The following IL36G variants were observed in gnomAD, a reference collection of about 807,000 sequenced individuals.
The protein encoded by IL36G is interleukin 36 gamma, also known as interleukin-36 gamma.
In IL36G, 10 loss-of-function variants were observed where a neutral mutation model predicts 13.5. The ratio of observed to expected loss-of-function variants is 0.74; its 90% CI spans 0.46 to 1.26. The LOEUF is 1.26. Among genes scored for constraint, IL36G ranks in the 50% most tolerant of loss-of-function variants. The pLI is 0.00. For synonymous variants in IL36G, 84 were observed against 74.0 expected, an observed-to-expected ratio of 1.13 and a Z score of -0.69; for missense variants, 199 against 203.0, an observed-to-expected ratio of 0.98 and a Z score of 0.12.
rs547422708 is a variant in IL36G, at chr2:112,978,708, G to A, written c.55+15G>A. On this transcript the variant is annotated intron_variant, in intron 2 of 4. Coordinates refer to ENST00000259205, the MANE Select transcript of IL36G (RefSeq NM_019618.4). ...CTATCAATCAAGTGAATCAAATGCT[G>A]TTGGGATGGGGCTCTGGAGGCTTAG... 2 of 1,613,590 alleles carry A rather than the reference G, an allele frequency of 1.2e-6. No homozygotes were observed. Among genetic ancestry groups the A allele is most frequent in the East Asian group, 2.2e-5 (1 of 44,880 alleles).
intron 4 of IL36G, among the ~76,000 whole-genome samples, chr2:112,982,805 G>C (rs1210635206): frequency 6.6e-6 from 1 of 152,146 alleles, no homozygotes; most frequent in Non-Finnish European, 1.5e-5. Flanking sequence ...GAGCAGTGTT[G>C]GTGCTGTAGT....
At chr2:112,982,204 C>T (rs1684276572) in intron 4 of IL36G, among the ~76,000 whole-genome samples, 1 of 152,164 alleles carries the variant, frequency 6.6e-6, no homozygotes, top group Non-Finnish European at 1.5e-5. Flanking sequence ...CGTCAGGCTG[C>T]AGTGGTGAAT....
chr2:112,981,750 G>T (rs776339453), intron 4 of IL36G, among the ~76,000 whole-genome samples: 4 of 151,952 alleles, frequency 2.6e-5, no homozygotes, highest in Non-Finnish European at 4.4e-5. Context: ...TTCTTGCTTT[G>T]CTCTGCCAGC....
chr2:112,983,669 G>T (rs1391125997), intron 4 of IL36G, among the ~76,000 whole-genome samples: 1 of 152,064 alleles, frequency 6.6e-6, no homozygotes, highest in Non-Finnish European at 1.5e-5. Context: ...ATGCAGGAGA[G>T]TGGTAAGAAG....
intron 1 of IL36G, 150 bp from the exon 2 acceptor site, chr2:112,978,470 C>A: frequency 1.5e-6 from 1 of 648,974 alleles, no homozygotes; most frequent in Non-Finnish European, 2.8e-6. Context: ...CAAGTTTCGT[C>A]CCAGATGTGG....
At chr2:112,984,192 T>C (rs910515798) in intron 4 of IL36G, among the ~76,000 whole-genome samples, 4 of 152,252 alleles carry the variant, frequency 2.6e-5, no homozygotes, top group Admixed American at 6.5e-5. Context: ...TCTTGAGATC[T>C]TGAACACTTG....
At chr2:112,983,547 GA>G (rs1167142449) in intron 4 of IL36G, among the ~76,000 whole-genome samples, 1 of 152,116 alleles carries the variant, frequency 6.6e-6, no homozygotes, top group African/African-American at 2.4e-5. Context: ...GCCTTGGGAA[GA>G]TGTGGGGCTG....
chr2:112,978,492 T>C (rs1684203549), intron 1 of IL36G, 128 bp from the exon 2 acceptor site: 1 of 712,418 alleles, frequency 1.4e-6, no homozygotes, highest in Non-Finnish European at 2.5e-6. Flanking sequence ...TCAGAACTTC[T>C]GCCCAGAGCT....
chr2:112,985,116 A>G lies in IL36G; in HGVS notation c.*67A>G. ...TCTGGTTCCCAATGTGTTTTCGTCT[A>G]CATTTTCTTAGTGTCATTTTCACGC... is the stretch of plus-strand genomic sequence containing the variant. On this transcript the variant is annotated 3_prime_UTR_variant, in exon 5 of 5. Coordinates refer to ENST00000259205, the MANE Select transcript of IL36G (RefSeq NM_019618.4). 1 of 1,155,822 alleles carries G rather than the reference A, an allele frequency of 8.7e-7. No homozygotes were observed. Among genetic ancestry groups the G allele is most frequent in the African/African-American group, 1.5e-5 (1 of 65,152 alleles). 71.6% of individuals were successfully genotyped at this position (1,155,822 alleles called of 1,614,324 possible). A position where few individuals can be genotyped will look rare whatever the true frequency, so the allele number is the denominator to read the frequency against.
chr2:112,981,342 G>A (rs989324514), intron 4 of IL36G: 8 of 799,050 alleles, frequency 1.0e-5, no homozygotes, highest in African/African-American at 3.4e-5. Flanking sequence ...GGAGGAGCAG[G>A]TTTAGCAGAC....
At chr2:112,984,775 G>T in intron 4 of IL36G, 65 bp from the exon 5 acceptor site, 1 of 1,310,804 alleles carries the variant, frequency 7.6e-7, no homozygotes, top group South Asian at 1.2e-5. Context: ...GAATTATTAT[G>T]AATAACCTTG....
rs966676199 is a variant in IL36G, at chr2:112,985,102, A to G, written c.*53A>G. 27 of 1,348,252 alleles carry G rather than the reference A, an allele frequency of 2.0e-5. No homozygotes were observed. Among genetic ancestry groups the G allele is most frequent in the Middle Eastern group, 2.3e-4 (1 of 4,310 alleles). 83.5% of individuals were successfully genotyped at this position (1,348,252 alleles called of 1,614,324 possible). On this transcript the variant is annotated 3_prime_UTR_variant, in exon 5 of 5. Coordinates refer to ENST00000259205, the MANE Select transcript of IL36G (RefSeq NM_019618.4). ...TTTGTCTTAAAGTTTCTGGTTCCCA[A>G]TGTGTTTTCGTCTACATTTTCTTAG... is the stretch of plus-strand genomic sequence containing the variant.
In IL36G at chr2:112,980,168, A is replaced by T. The variant is rs767828272; in HGVS notation, c.300+20A>T. The T allele has an allele frequency of 6.2e-7, 1 of 1,604,198 alleles. No individual in the cohort carries two copies. Among genetic ancestry groups the T allele is most frequent in the South Asian group, 1.1e-5 (1 of 89,026 alleles). ...CTAAAAGTGAGTAGCTAAGAAAAAT[A>T]TTTAAAAAGCCTTTCCTTTTAGAAG... On this transcript the variant is annotated intron_variant, in intron 4 of 4. Transcript: ENST00000259205.
chr2:112,979,370 G>A (rs200374168), intron 3 of IL36G, 45 bp downstream of exon 3: 2 of 1,132,364 alleles, frequency 1.8e-6, no homozygotes, highest in South Asian at 2.5e-5. Flanking sequence ...CACTGCTGTG[G>A]CTGGGAAGCT....
chr2:112,982,325 G>T (rs977877104), intron 4 of IL36G, among the ~76,000 whole-genome samples: 11 of 152,196 alleles, frequency 7.2e-5, no homozygotes, highest in African/African-American at 2.2e-4. Context: ...AGTGAGGACC[G>T]GTGTGCAGGA....
chr2:112,978,258 C>T (rs1017279193), intron 1 of IL36G, among the ~76,000 whole-genome samples, 180 bp downstream of exon 1: 2 of 152,198 alleles, frequency 1.3e-5, no homozygotes, highest in African/African-American at 4.8e-5. Flanking sequence ...GCATGGGACC[C>T]TCCCCTGCTC....
In IL36G at chr2:112,978,620, G is replaced by T. The variant is rs759995603; in HGVS notation, c.-19G>T. 2.5e-6 allele frequency: 4 copies of T among 1,613,146 alleles called. No homozygotes were observed. The highest frequency in any genetic ancestry group is 3.4e-6 in the Non-Finnish European group (4 of 1,179,082). ...ATCTGTTCTATGTCTGCTTTCACAG[G>T]TGCTGAGACAACCACACTATGAGAG... On this transcript the variant is annotated splice_region_variant and 5_prime_UTR_variant, in exon 2 of 5. Coordinates refer to ENST00000259205, the MANE Select transcript of IL36G (RefSeq NM_019618.4).
rs1444757119 is a variant in IL36G at position 112,985,112 on chromosome 2, G to T, written c.*63G>T. ...AGTTTCTGGTTCCCAATGTGTTTTC[G>T]TCTACATTTTCTTAGTGTCATTTTC... On this transcript the variant is annotated 3_prime_UTR_variant, in exon 5 of 5. Transcript: ENST00000259205. The T allele has an allele frequency of 9.8e-6, 12 of 1,219,170 alleles. No individual in the cohort carries two copies. Among genetic ancestry groups the T allele is most frequent in the Non-Finnish European group, 1.4e-5 (12 of 850,884 alleles). 75.5% of individuals were successfully genotyped at this position (1,219,170 alleles called of 1,614,324 possible).
chr2:112,978,241 G>A (rs764108759), intron 1 of IL36G, among the ~76,000 whole-genome samples, 163 bp downstream of exon 1: 1 of 152,198 alleles, frequency 6.6e-6, no homozygotes, highest in Non-Finnish European at 1.5e-5. Flanking sequence ...CTGGCAGAGT[G>A]GCCCTGGCAT....
Sources: gnomAD v4.1 joint callset for allele counts (sites outside exome capture counted in the v4.1 genomes callset) on GRCh38, gnomAD v4.1.1 for gene constraint, MANE v1.5 for transcripts, NCBI Gene and HGNC (gene_info 2026-07-23, HGNC 2026-07-21) for gene names.